PTAR1: variants seen among roughly 807,000 people sequenced by gnomAD.
PTAR1 encodes the protein protein prenyltransferase alpha subunit repeat-containing protein 1.
In PTAR1, 17 loss-of-function variants were observed where a neutral mutation model predicts 45.5. The observed-to-expected ratio is 0.37, with a 90% CI of 0.26 to 0.56. The LOEUF (loss-of-function observed/expected upper bound fraction) is 0.56, where lower values mean the gene tolerates loss of function less well. Ranked by LOEUF, PTAR1 falls within the 20% of genes least tolerant of loss-of-function variation. PTAR1 has a pLI of 0.77. For synonymous variants in PTAR1, 169 were observed against 171.3 expected, an observed-to-expected ratio of 0.99 and a Z score of 0.11; for missense variants, 391 against 476.3, an observed-to-expected ratio of 0.82 and a Z score of 1.67.
Position 69,756,124 on chromosome 9 carries a change from TCTGG to T in PTAR1, c.86+3725_86+3728del, listed in dbSNP as rs142660846. 2.9e-3 allele frequency among the ~76,000 whole-genome samples: 437 copies of T among 152,308 alleles called. 7 individuals carry two copies. The East Asian group carries it at 0.044, about 15-fold the overall frequency. ...ATCAGGTATAAGAAGCCCAGTAGAC[TCTGG>T]CTTTCTATTCTTCAGTTCACCTTGC... On this transcript the variant is annotated intron_variant, in intron 1 of 7. Coordinates refer to ENST00000340434, the MANE Select transcript of PTAR1 (RefSeq NM_001099666.2).
chr9:69,712,045 T>C lies in PTAR1; in HGVS notation c.*6297A>G, dbSNP rs779130134. The stretch of plus-strand genomic sequence containing the variant: ...ATGATATTTGTAAGGGAGGATAATT[T>C]ATCAACTTTTTCTAATAGAATGCTC... On this transcript the variant is annotated 3_prime_UTR_variant, in exon 8 of 8. Coordinates refer to ENST00000340434, the MANE Select transcript of PTAR1 (RefSeq NM_001099666.2). 34 of 152,118 alleles carry C rather than the reference T, an allele frequency of 2.2e-4. No homozygotes were observed. The highest frequency in any genetic ancestry group is 4.0e-4 in the Non-Finnish European group (27 of 68,004). 9.4% of individuals were successfully genotyped at this position (152,118 alleles called of 1,614,324 possible).
chr9:69,725,149 C>A (rs1825208211), intron 5 of PTAR1, among the ~76,000 whole-genome samples: 1 of 152,060 alleles, frequency 6.6e-6, no homozygotes, highest in Non-Finnish European at 1.5e-5. Context: ...TTTGGCATGG[C>A]TTCTTAACAT....
At chr9:69,742,929 G>T (rs190008809) in intron 2 of PTAR1, among the ~76,000 whole-genome samples, 2 of 152,094 alleles carry the variant, frequency 1.3e-5, no homozygotes, top group East Asian at 3.9e-4. Flanking sequence ...CTATTTGAAA[G>T]AACAAAATTA....
Position 69,723,188 on chromosome 9 carries a change from G to A in PTAR1, c.947+138C>T, listed in dbSNP as rs1371329708. ...ATGATATGGTAACACAAAACCTCTTGTATTCACTCAGGCAAAGCTCCACAA... is the reference window on the plus strand; with the variant it reads ...ATGATATGGTAACACAAAACCTCTTATATTCACTCAGGCAAAGCTCCACAA... On this transcript the variant is annotated intron_variant, in intron 6 of 7. Coordinates refer to ENST00000340434, the MANE Select transcript of PTAR1 (RefSeq NM_001099666.2). The A allele has an allele frequency of 1.0e-5, 7 of 699,108 alleles. No homozygotes were observed. The African/African-American group carries it at 1.2e-4, about 12-fold the overall frequency. The allele number at this position is 699,108 out of a possible 1,614,324, so 43.3% of individuals were successfully genotyped here.
chr9:69,729,128 T>C (rs1038780521), intron 5 of PTAR1, among the ~76,000 whole-genome samples: 1 of 152,128 alleles, frequency 6.6e-6, no homozygotes, highest in Non-Finnish European at 1.5e-5. Flanking sequence ...AAGACCAGCC[T>C]GACCAACATG....
chr9:69,713,751 AC>A lies in PTAR1; in HGVS notation c.*4590del, dbSNP rs1824613856. ...CCATCCTCTAAATGGGATGCCTCCA[AC>A]CCCCAAAACGTTAGTTGCCAGAAAG... On this transcript the variant is annotated 3_prime_UTR_variant, in exon 8 of 8. Transcript: ENST00000340434. 1.3e-5 allele frequency: 2 copies of A among 151,928 alleles called. No individual in the cohort carries two copies. Among genetic ancestry groups the A allele is most frequent in the Non-Finnish European group, 2.9e-5 (2 of 67,980 alleles). The allele number at this position is 151,928 out of a possible 1,614,324, so 9.4% of individuals were successfully genotyped here.
At chr9:69,741,922 T>C (rs1826060944) in intron 2 of PTAR1, 64 bp from the exon 3 acceptor site, 1 of 976,226 alleles carries the variant, frequency 1.0e-6, no homozygotes, top group East Asian at 2.6e-5. Context: ...GGCTTCTCAT[T>C]CTTTTAAGGT....
chr9:69,758,345 G>A (rs534874135), intron 1 of PTAR1: 1 of 151,066 alleles, frequency 6.6e-6, no homozygotes, highest in East Asian at 1.9e-4. Flanking sequence ...AAATACCAGT[G>A]ATGAGAAAAT....
chr9:69,742,040 C>T (rs937525349), intron 2 of PTAR1, among the ~76,000 whole-genome samples, 182 bp from the exon 3 acceptor site: 3 of 152,072 alleles, frequency 2.0e-5, no homozygotes, highest in Non-Finnish European at 4.4e-5. Context: ...ACTCTCAAGA[C>T]CCTCTCCTGG....
chr9:69,751,346 A>G (rs1228144513), intron 1 of PTAR1, among the ~76,000 whole-genome samples: 2 of 152,108 alleles, frequency 1.3e-5, no homozygotes, highest in African/African-American at 4.8e-5. Context: ...GACTAGTAAA[A>G]AAAAAAGGCC....
intron 1 of PTAR1, among the ~76,000 whole-genome samples, chr9:69,759,599 G>A (rs963353659): frequency 8.5e-5 from 13 of 152,178 alleles, no homozygotes; most frequent in Non-Finnish European, 1.9e-4. Context: ...AGGTGGGGAG[G>A]GACAGAGAAA....
chr9:69,751,440 G>A (rs909012825), intron 1 of PTAR1, among the ~76,000 whole-genome samples: 21 of 151,860 alleles, frequency 1.4e-4, no homozygotes, highest in African/African-American at 5.1e-4. Flanking sequence ...TATATGAAAT[G>A]AAAACAAAAA....
intron 1 of PTAR1, chr9:69,758,113 G>C (rs1439056319): frequency 6.6e-6 from 1 of 152,136 alleles, no homozygotes; most frequent in South Asian, 2.1e-4. Context: ...AAGGATTAGG[G>C]AGGGGCATTA....
rs1023363548 is a variant in PTAR1, at chr9:69,714,256, C to G, written c.*4086G>C. On this transcript the variant is annotated 3_prime_UTR_variant, in exon 8 of 8. Transcript: ENST00000340434. ...TTGTTATCAGGTTCAAATTTTCTAG[C>G]ATACTTTAAATATCTGTAAGTTTTA... is the stretch of plus-strand genomic sequence containing the variant. 1.3e-5 allele frequency: 2 copies of G among 151,894 alleles called. No individual in the cohort carries two copies. Among genetic ancestry groups the G allele is most frequent in the African/African-American group, 4.8e-5 (2 of 41,332 alleles). The allele number at this position is 151,894 out of a possible 1,614,324, so 9.4% of individuals were successfully genotyped here.
chr9:69,734,607 T>A (rs1430492573), intron 3 of PTAR1, among the ~76,000 whole-genome samples: 4 of 152,156 alleles, frequency 2.6e-5, no homozygotes, highest in African/African-American at 9.7e-5. Context: ...CCTGATATCG[T>A]ACCTATAGGG....
intron 5 of PTAR1, among the ~76,000 whole-genome samples, chr9:69,726,039 A>G (rs576040938): frequency 6.6e-6 from 1 of 152,282 alleles, no homozygotes; most frequent in East Asian, 1.9e-4. Context: ...CTAAAAATAC[A>G]TATGCCATAG....
intron 2 of PTAR1, among the ~76,000 whole-genome samples, chr9:69,747,295 T>C (rs1826315425): frequency 6.6e-6 from 1 of 152,198 alleles, no homozygotes; most frequent in African/African-American, 2.4e-5. Flanking sequence ...AGGGAATAAT[T>C]ATTGCTTCCT....
intron 2 of PTAR1, among the ~76,000 whole-genome samples, chr9:69,747,569 AG>A (rs1295085352): frequency 6.6e-6 from 1 of 152,206 alleles, no homozygotes; most frequent in Non-Finnish European, 1.5e-5. Context: ...AAATTTGACA[AG>A]AAGTATCAAC....
chr9:69,721,816 T>C (rs1346291061), intron 6 of PTAR1, among the ~76,000 whole-genome samples: 3 of 145,694 alleles, frequency 2.1e-5, no homozygotes, highest in East Asian at 2.0e-4. Context: ...GATATGCACA[T>C]TTTTTTTTTA....
Sources: allele counts gnomAD v4.1 joint callset (sites outside exome capture counted in the v4.1 genomes callset), GRCh38; gene constraint gnomAD v4.1.1; transcripts MANE v1.5; gene names NCBI Gene and HGNC (gene_info 2026-07-23, HGNC 2026-07-21).